GPRC5B: variants seen among roughly 807,000 people sequenced by gnomAD.
GPRC5B encodes the protein G protein-coupled receptor family C group 5 member B.
A neutral mutation model predicts 30.1 loss-of-function variants in GPRC5B; 16 were observed. The observed-to-expected ratio is 0.53, with a 90% CI of 0.36 to 0.81. The LOEUF (loss-of-function observed/expected upper bound fraction) is 0.81. Among genes scored for constraint, GPRC5B ranks in the 30% least tolerant of loss-of-function variants. GPRC5B has a pLI of 0.01. For missense variants in GPRC5B, 428 were observed against 544.7 expected (o/e 0.79, Z 2.13); for synonymous variants, 241 against 239.5 (o/e 1.01, Z -0.06).
chr16:19,883,649 A>C (rs2056825302), intron 1 of GPRC5B, among the ~76,000 whole-genome samples: 2 of 152,192 alleles, frequency 1.3e-5, no homozygotes, highest in Admixed American at 6.5e-5. Flanking sequence ...TTGGGCGGCC[A>C]ATGTGGCGCG....
chr16:19,873,803 G>A (rs896223909), intron 1 of GPRC5B, among the ~76,000 whole-genome samples: 6 of 152,060 alleles, frequency 3.9e-5, no homozygotes, highest in African/African-American at 4.8e-5. Flanking sequence ...TATTTGAGAC[G>A]GAGTCTGTCT....
At chr16:19,876,767 A>G (rs1634666) in intron 1 of GPRC5B, among the ~76,000 whole-genome samples, 22,100 of 152,232 alleles carry the variant, frequency 0.15, 1,925 homozygotes, top group Non-Finnish European at 0.19. Context: ...TTCTGTTTTC[A>G]TCCCTGAGGG....
chr16:19,860,484 T>A lies in GPRC5B; in HGVS notation c.*16A>T, dbSNP rs577424623. ...ATCGGTAAGAGAAATTCTGATTCTC[T>A]GGAACTTAAAGTCTTTCACCAAAGG... On this transcript the variant is annotated 3_prime_UTR_variant, in exon 4 of 4. Coordinates refer to ENST00000300571, the MANE Select transcript of GPRC5B (RefSeq NM_016235.3). 8.7e-5 allele frequency: 134 copies of A among 1,540,642 alleles called. 4 individuals carry two copies. The South Asian group carries it at 1.4e-3, about 16-fold the overall frequency.
chr16:19,867,725 G>A (rs1047767115), intron 2 of GPRC5B, among the ~76,000 whole-genome samples: 2 of 152,188 alleles, frequency 1.3e-5, no homozygotes, highest in African/African-American at 4.8e-5. Context: ...CATCAGGGTG[G>A]AGGCTTCGTG....
In GPRC5B at chr16:19,861,843, AC is replaced by A. The variant is rs2056625915; in HGVS notation, c.1160del (p.Gly387ValfsTer21). ...QPTEMAVVLN[G>X]GTIPTAPPSH... is the part of the protein sequence containing the mutation. Reference sequence around the variant, plus strand: ...ATCACATCTTGATACTTACGGTCCCACCGTTGAGCACGACGGCCATCTCAGT... The same window carrying A: ...ATCACATCTTGATACTTACGGTCCCACGTTGAGCACGACGGCCATCTCAGT... On this transcript the variant is annotated frameshift_variant, in exon 3 of 4. Coordinates refer to ENST00000300571, the MANE Select transcript of GPRC5B (RefSeq NM_016235.3). LOFTEE classifies it high-confidence loss of function. 2 of 1,613,012 alleles carry A rather than the reference AC, an allele frequency of 1.2e-6. No individual in the cohort carries two copies. The highest frequency in any genetic ancestry group is 1.7e-6 in the Non-Finnish European group (2 of 1,179,614).
At chr16:19,873,244 C>T (rs1043720557) in intron 1 of GPRC5B, among the ~76,000 whole-genome samples, 12 of 151,956 alleles carry the variant, frequency 7.9e-5, no homozygotes, top group Non-Finnish European at 8.8e-5. Context: ...GCGGGCGGAT[C>T]ACGAGGTCAG....
chr16:19,862,773 C>T (rs1208031751), intron 2 of GPRC5B, among the ~76,000 whole-genome samples: 2 of 152,026 alleles, frequency 1.3e-5, no homozygotes, highest in African/African-American at 4.8e-5. Context: ...AAAAATTAGC[C>T]GGGTATGGTG....
At chr16:19,864,911 A>ATTTTTTTTT (rs1163249399) in intron 2 of GPRC5B, among the ~76,000 whole-genome samples, 1 of 126,054 alleles carries the variant, frequency 7.9e-6, no homozygotes, top group African/African-American at 3.0e-5. Flanking sequence ...GCCCGGTCTC[A>ATTTTTTTTT]TTTTTTTTTT....
At chr16:19,885,080 G>T, upstream of GPRC5B, 2 of 769,696 alleles carry the variant, frequency 2.6e-6, no homozygotes, top group African/African-American at 1.8e-5. This position sits in a 1 kb window ranked among gnomAD's most constrained non-coding sequence, Gnocchi z 5.3. Flanking sequence ...CCCCGACCTC[G>T]TGCCCCCAAT....
At chr16:19,877,458 C>A (rs1485000403) in intron 1 of GPRC5B, among the ~76,000 whole-genome samples, 1 of 152,106 alleles carries the variant, frequency 6.6e-6, no homozygotes, top group Non-Finnish European at 1.5e-5. Flanking sequence ...TGACAGCCAC[C>A]CACTCCATAG....
chr16:19,860,585 C>G, intron 3 of GPRC5B, 41 bp from the exon 4 acceptor site: 1 of 1,395,826 alleles, frequency 7.2e-7, no homozygotes, highest in Non-Finnish European at 1.0e-6. Flanking sequence ...GAACTCTGTG[C>G]TTTGCAAAGT....
chr16:19,871,838 G>T lies in GPRC5B; in HGVS notation c.1008C>A (p.Phe336Leu), dbSNP rs2141145327. The change falls in exon 2 of 4, where the codon TTC becomes TTA. Residue 336 changes from phenylalanine to leucine, a missense_variant. Phe to Leu is a conservative substitution (Grantham distance 22, BLOSUM62 0). Transcript: ENST00000300571. ...TACCTGCATTGTGTTCATCCATGGA[G>T]AAGGCCTTGTTCTCCATATAGGCCC... ...LPRAYMENKA[F>L]SMDEHNAALR... 1 of 1,613,828 alleles carries T rather than the reference G, an allele frequency of 6.2e-7. No individual in the cohort carries two copies. The highest frequency in any genetic ancestry group is 2.2e-5 in the East Asian group (1 of 44,864).
At chr16:19,884,963 G>T (rs2056839706), upstream of GPRC5B, 1 of 797,298 alleles carries the variant, frequency 1.3e-6, no homozygotes, top group Non-Finnish European at 1.5e-6. Flanking sequence ...GGGCCTCCGA[G>T]CCCCACCCCC....
chr16:19,872,202 A>T lies in GPRC5B; in HGVS notation c.644T>A (p.Leu215Gln). 6.2e-7 allele frequency: 1 copy of T among 1,614,186 alleles called. No homozygotes were observed. The highest frequency in any genetic ancestry group is 1.1e-5 in the South Asian group (1 of 91,078). Reference protein sequence around the residue: ...IYDMVLLVVTLGLALFTLCGK... With the variant: ...IYDMVLLVVTQGLALFTLCGK... ...GCACAGAGTGAAGAGGGCCAGCCCC[A>T]GGGTGACCACAAGCAGTACCATGTC... Residue 215 changes from leucine (L) to glutamine (Q), a missense_variant, in exon 2 of 4, where the codon CTG becomes CAG. By Grantham distance (113) the Leu-to-Gln change is moderately radical (BLOSUM62 -2). Transcript: ENST00000300571. This position sits in a 1 kb window ranked among gnomAD's most constrained non-coding sequence, Gnocchi z 5.0.
chr16:19,860,704 C>T (rs1366503626), intron 3 of GPRC5B, among the ~76,000 whole-genome samples, 160 bp from the exon 4 acceptor site: 1 of 152,194 alleles, frequency 6.6e-6, no homozygotes, highest in Admixed American at 6.5e-5. Flanking sequence ...GTGAGTCATG[C>T]TGCTGTGGTT....
rs1161333147 is a variant in GPRC5B, at chr16:19,869,284, G to A, written c.1030+2532C>T. Among the ~76,000 whole-genome samples, 5 of 145,672 alleles carry A rather than the reference G, an allele frequency of 3.4e-5. No homozygotes were observed. The Admixed American group carries it at 3.5e-4, about 10-fold the overall frequency. On this transcript the variant is annotated intron_variant, in intron 2 of 3. Coordinates refer to ENST00000300571, the MANE Select transcript of GPRC5B (RefSeq NM_016235.3). ...GTGGAGGCTGCAGTGAGCTGAGATA[G>A]AGCCACTGCACTCCAGTCCAGCCTG...
rs999237262 is a variant in GPRC5B at position 19,857,629 on chromosome 16, G to GC, written c.*2870dup. 24 of 290,644 alleles carry GC rather than the reference G, an allele frequency of 8.3e-5. No individual in the cohort carries two copies. Among genetic ancestry groups the GC allele is most frequent in the Non-Finnish European group, 1.4e-4 (22 of 154,032 alleles). 18.0% of individuals were successfully genotyped at this position (290,644 alleles called of 1,614,324 possible). On this transcript the variant is annotated 3_prime_UTR_variant, in exon 4 of 4. Transcript: ENST00000300571. ...ATCATTGCATCATTGGATTATAAAA[G>GC]CCACAATGCTCCCTTTCAACTTGGG...
intron 3 of GPRC5B, among the ~76,000 whole-genome samples, chr16:19,861,302 C>T (rs1306601255): frequency 6.6e-6 from 1 of 152,120 alleles, no homozygotes; most frequent in Non-Finnish European, 1.5e-5. Context: ...CAAACGTAAA[C>T]AATGACAATT....
At chr16:19,881,510 G>A (rs968126321) in intron 1 of GPRC5B, among the ~76,000 whole-genome samples, 1 of 152,232 alleles carries the variant, frequency 6.6e-6, no homozygotes, top group Non-Finnish European at 1.5e-5. Context: ...GGCCAGGCGC[G>A]GTGGCTCATG....
Sources: allele counts gnomAD v4.1 joint callset (sites outside exome capture counted in the v4.1 genomes callset), GRCh38; gene constraint gnomAD v4.1.1; non-coding constraint Gnocchi (gnomAD v3.1); transcripts MANE v1.5; gene names NCBI Gene and HGNC (gene_info 2026-07-23, HGNC 2026-07-21).